Variants in HS3ST5 observed in about 807,000 individuals in gnomAD.
HS3ST5 encodes the protein heparan sulfate-glucosamine 3-sulfotransferase 5, also known as heparan sulfate glucosamine 3-O-sulfotransferase 5.
In HS3ST5, 10 loss-of-function variants were observed where a neutral mutation model predicts 25.4. The ratio of observed to expected loss-of-function variants is 0.39; its 90% CI spans 0.24 to 0.67. The LOEUF is 0.67. Among genes scored for constraint, HS3ST5 ranks in the 30% least tolerant of loss-of-function variants. The pLI, the probability that HS3ST5 is intolerant of heterozygous loss-of-function variation, is 0.44. For missense variants in HS3ST5, 324 were observed against 420.7 expected (o/e 0.77, Z 2.01); for synonymous variants, 170 against 162.4 (o/e 1.05, Z -0.36).
chr6:114,144,307 C>T (rs370829621), intron 3 of HS3ST5, among the ~76,000 whole-genome samples: 24 of 152,040 alleles, frequency 1.6e-4, no homozygotes, highest in South Asian at 6.2e-4. Flanking sequence ...GACCTATGAC[C>T]GATACATTTA....
chr6:114,310,745 T>C (rs1775496996), intron 1 of HS3ST5, among the ~76,000 whole-genome samples: 1 of 152,172 alleles, frequency 6.6e-6, no homozygotes, highest in Non-Finnish European at 1.5e-5. Context: ...AGTTGAACCT[T>C]GATAAGTAGA....
intron 1 of HS3ST5, among the ~76,000 whole-genome samples, chr6:114,341,747 C>T (rs1776888017): frequency 6.6e-6 from 1 of 152,090 alleles, no homozygotes; most frequent in African/African-American, 2.4e-5. Flanking sequence ...TCTGCTGGGG[C>T]CTCGCAGGCC....
chr6:114,208,563 G>C (rs937486439), intron 2 of HS3ST5, among the ~76,000 whole-genome samples: 1 of 152,162 alleles, frequency 6.6e-6, no homozygotes, highest in African/African-American at 2.4e-5. Context: ...CTGAAGAGAG[G>C]ATCATTGCAG....
At chr6:114,122,940 G>GTT (rs1183242562) in intron 3 of HS3ST5, among the ~76,000 whole-genome samples, 1 of 152,074 alleles carries the variant, frequency 6.6e-6, no homozygotes, top group Non-Finnish European at 1.5e-5. Context: ...TATACAGATA[G>GTT]TTTTTGTTTG....
In HS3ST5 at chr6:114,055,933, G is replaced by A. The variant is rs957254887; in HGVS notation, c.*1324C>T. The stretch of plus-strand genomic sequence containing the variant: ...TTAATTTCTCTGGATGGAAATATGA[G>A]CCATATGTTTATGTTAGTAATGGCA... On this transcript the variant is annotated 3_prime_UTR_variant, in exon 5 of 5. Coordinates refer to ENST00000312719, the MANE Select transcript of HS3ST5 (RefSeq NM_153612.4). The A allele has an allele frequency of 6.6e-6, 1 of 152,200 alleles. No individual in the cohort carries two copies. Among genetic ancestry groups the A allele is most frequent in the Non-Finnish European group, 1.5e-5 (1 of 68,038 alleles). 9.4% of individuals were successfully genotyped at this position (152,200 alleles called of 1,614,324 possible). A position where few individuals can be genotyped will look rare whatever the true frequency, so the allele number is the denominator to read the frequency against.
chr6:114,206,861 A>C (rs1781294632), intron 2 of HS3ST5, among the ~76,000 whole-genome samples: 1 of 152,188 alleles, frequency 6.6e-6, no homozygotes, highest in Non-Finnish European at 1.5e-5. Context: ...ACATAGATTA[A>C]CCTGACCTTC....
intron 1 of HS3ST5, among the ~76,000 whole-genome samples, chr6:114,284,579 T>C (rs1434538313): frequency 6.6e-6 from 1 of 151,914 alleles, no homozygotes; most frequent in Non-Finnish European, 1.5e-5. Context: ...CTCCTAAAAT[T>C]TGGATCTATG....
intron 1 of HS3ST5, among the ~76,000 whole-genome samples, chr6:114,339,139 T>A (rs1328952040): frequency 6.6e-6 from 1 of 152,082 alleles, no homozygotes; most frequent in African/African-American, 2.4e-5. Flanking sequence ...ATCCAAAAAA[T>A]TCATCCATAT....
Position 114,217,286 on chromosome 6 carries a change from G to A in HS3ST5, c.-145+11299C>T, listed in dbSNP as rs531799726. On this transcript the variant is annotated intron_variant, in intron 2 of 4. Coordinates refer to ENST00000312719, the MANE Select transcript of HS3ST5 (RefSeq NM_153612.4). ...TGTGGTTATGATGACAAAGTCATTA[G>A]GTTGCCATTTAAATCCTTTTCCAAA... 2.0e-5 allele frequency among the ~76,000 whole-genome samples: 3 copies of A among 152,214 alleles called. No individual in the cohort carries two copies. The South Asian group carries it at 6.2e-4, about 32-fold the overall frequency.
At chr6:114,227,015 G>T (rs1197140501) in intron 2 of HS3ST5, among the ~76,000 whole-genome samples, 1 of 151,800 alleles carries the variant, frequency 6.6e-6, no homozygotes, top group African/African-American at 2.4e-5. Context: ...ATAAACTTGT[G>T]AACTACAAAT....
intron 2 of HS3ST5, among the ~76,000 whole-genome samples, chr6:114,174,487 A>G (rs965820710): frequency 4.6e-5 from 7 of 152,160 alleles, no homozygotes; most frequent in Admixed American, 4.6e-4. Context: ...TAAAAAGATT[A>G]ATGAATCATT....
At chr6:114,102,217 T>C (rs1775771134) in intron 3 of HS3ST5, among the ~76,000 whole-genome samples, 1 of 152,206 alleles carries the variant, frequency 6.6e-6, no homozygotes, top group Non-Finnish European at 1.5e-5. Flanking sequence ...TTAAAGAATG[T>C]GTATTAACTG....
chr6:114,331,924 A>G (rs1776413676), intron 1 of HS3ST5, among the ~76,000 whole-genome samples: 1 of 152,086 alleles, frequency 6.6e-6, no homozygotes, highest in Non-Finnish European at 1.5e-5. Flanking sequence ...GTGGCTACTA[A>G]TAATTGGTTA....
At chr6:114,130,841 T>C (rs1169331359) in intron 3 of HS3ST5, among the ~76,000 whole-genome samples, 1 of 152,164 alleles carries the variant, frequency 6.6e-6, no homozygotes, top group Non-Finnish European at 1.5e-5. Flanking sequence ...AGTGCTGGGA[T>C]TACAGGTGTG....
intron 3 of HS3ST5, among the ~76,000 whole-genome samples, chr6:114,161,757 T>C (rs1778985378): frequency 6.9e-6 from 1 of 145,360 alleles, no homozygotes; most frequent in African/African-American, 2.5e-5. Context: ...CACCCTACTT[T>C]GGATAAATCA....
intron 1 of HS3ST5, among the ~76,000 whole-genome samples, chr6:114,282,635 G>A (rs1774166630): frequency 6.6e-6 from 1 of 151,916 alleles, no homozygotes; most frequent in Non-Finnish European, 1.5e-5. Context: ...TGTATTGAAT[G>A]CTCTGTTTGG....
At chr6:114,222,380 G>A (rs573211247) in intron 2 of HS3ST5, among the ~76,000 whole-genome samples, 1 of 151,954 alleles carries the variant, frequency 6.6e-6, no homozygotes, top group East Asian at 1.9e-4. Flanking sequence ...CCACAAAGTA[G>A]TTATTAACCA....
At chr6:114,143,139 C>T (rs1399945573) in intron 3 of HS3ST5, 1 of 152,198 alleles carries the variant, frequency 6.6e-6, no homozygotes, top group African/African-American at 2.4e-5. Flanking sequence ...GGTTGCTTTT[C>T]ACTGGACATG....
chr6:114,319,807 T>G (rs979805833), intron 1 of HS3ST5, among the ~76,000 whole-genome samples: 1 of 152,144 alleles, frequency 6.6e-6, no homozygotes, highest in Non-Finnish European at 1.5e-5. Context: ...TAAACATACT[T>G]TATTCCTTTG....
Sources: allele counts gnomAD v4.1 joint callset (sites outside exome capture counted in the v4.1 genomes callset), GRCh38; gene constraint gnomAD v4.1.1; transcripts MANE v1.5; gene names NCBI Gene and HGNC (gene_info 2026-07-23, HGNC 2026-07-21).